Variants in GRIA4 observed in about 807,000 individuals in gnomAD.
GRIA4 encodes glutamate receptor 4.
Under a neutral mutation model 104.0 loss-of-function variants are expected in GRIA4, and 34 were observed. The observed-to-expected ratio is 0.33, with a 90% CI of 0.25 to 0.44. GRIA4 has a LOEUF of 0.44. Ranked by LOEUF, GRIA4 falls within the 20% of genes least tolerant of loss-of-function variation. GRIA4 has a pLI of 1.00. For missense variants in GRIA4, 750 were observed against 1,096.5 expected (o/e 0.68, Z 4.46); for synonymous variants, 386 against 381.9 (o/e 1.01, Z -0.13).
Position 105,709,406 on chromosome 11 carries a change from C to T in GRIA4, c.248-43575C>T, listed in dbSNP as rs116496906. Among the ~76,000 whole-genome samples the T allele has an allele frequency of 5.0e-3, 759 of 152,168 alleles. 16 individuals are homozygous for T. The highest frequency in any genetic ancestry group is 0.017 in the African/African-American group (708 of 41,518). On this transcript the variant is annotated intron_variant, in intron 3 of 16. Coordinates refer to ENST00000282499, the MANE Select transcript of GRIA4 (RefSeq NM_000829.4). ...GTAAATATCACAGTCATAATTGCTG[C>T]AGGAAAGAATCATCAATGGATGCTA...
chr11:105,894,640 G>C (rs1006638088), intron 6 of GRIA4, among the ~76,000 whole-genome samples: 1 of 151,802 alleles, frequency 6.6e-6, no homozygotes, highest in Admixed American at 6.6e-5. Context: ...CACTATAAAA[G>C]AAAAAGGAGG....
intron 3 of GRIA4, among the ~76,000 whole-genome samples, chr11:105,655,057 T>C (rs140954393): frequency 2.0e-5 from 3 of 152,174 alleles, no homozygotes; most frequent in African/African-American, 2.4e-5. Context: ...GAGACCCTTT[T>C]CTTAATTGTG....
intron 6 of GRIA4, among the ~76,000 whole-genome samples, chr11:105,887,925 T>C (rs1413039407): frequency 6.6e-6 from 1 of 152,208 alleles, no homozygotes; most frequent in East Asian, 1.9e-4. Context: ...AACTAATAGC[T>C]TATGTTCTCT....
intron 3 of GRIA4, among the ~76,000 whole-genome samples, chr11:105,741,237 G>C (rs934379457): frequency 5.3e-5 from 8 of 152,134 alleles, no homozygotes; most frequent in African/African-American, 1.9e-4. Context: ...AGAAAATAGA[G>C]AAAAGGTTTT....
At position 105,964,804 on chromosome 11, in the gene GRIA4, TG is replaced by T. The variant is rs146151437; in HGVS notation, c.2295-7109del. Among the ~76,000 whole-genome samples the T allele has an allele frequency of 5.5e-4, 82 of 149,332 alleles. 5 individuals are homozygous for T. The highest frequency in any genetic ancestry group is 9.4e-4 in the African/African-American group (38 of 40,610). On this transcript the variant is annotated intron_variant, in intron 14 of 16. Transcript: ENST00000282499. ...GACATGTTTTTTTTTGTTTTTTTTTTGTTTGTTTGTTTTTGTTTTGAGACGA... is the reference window on the plus strand; with the variant it reads ...GACATGTTTTTTTTTGTTTTTTTTTTTTTGTTTGTTTTTGTTTTGAGACGA...
intron 3 of GRIA4, among the ~76,000 whole-genome samples, chr11:105,732,113 A>G (rs1421843362): frequency 6.6e-6 from 1 of 152,206 alleles, no homozygotes; most frequent in Admixed American, 6.5e-5. Flanking sequence ...AACAGCTACT[A>G]TCTCTAGGCT....
chr11:105,912,384 T>C (rs1947276527), intron 10 of GRIA4: 2 of 963,720 alleles, frequency 2.1e-6, no homozygotes, highest in African/African-American at 1.8e-5. Flanking sequence ...CTCCTTTCCA[T>C]CCTTGTTACT....
chr11:105,655,911 G>A (rs1391058959), intron 3 of GRIA4, among the ~76,000 whole-genome samples: 1 of 152,112 alleles, frequency 6.6e-6, no homozygotes, highest in Non-Finnish European at 1.5e-5. Flanking sequence ...TCCCCACACT[G>A]TCTTCAACAA....
intron 3 of GRIA4, among the ~76,000 whole-genome samples, chr11:105,711,934 G>T (rs975894864): frequency 2.6e-5 from 4 of 152,078 alleles, no homozygotes; most frequent in Non-Finnish European, 4.4e-5. Flanking sequence ...CACTTACTTT[G>T]TGAGAATTAA....
At chr11:105,667,446 T>G (rs959206732) in intron 3 of GRIA4, among the ~76,000 whole-genome samples, 4 of 151,992 alleles carry the variant, frequency 2.6e-5, no homozygotes, top group African/African-American at 9.7e-5. Flanking sequence ...TCGTTTCTTT[T>G]CAGTGTTTTT....
chr11:105,673,954 T>G (rs894455098), intron 3 of GRIA4, among the ~76,000 whole-genome samples: 5 of 151,976 alleles, frequency 3.3e-5, no homozygotes, highest in African/African-American at 1.2e-4. Context: ...CAAATGAATT[T>G]TAATGTGTTC....
chr11:105,913,746 C>T (rs1215599604), intron 10 of GRIA4, among the ~76,000 whole-genome samples: 1 of 151,792 alleles, frequency 6.6e-6, no homozygotes, highest in Non-Finnish European at 1.5e-5. Flanking sequence ...CTTTTTTCCC[C>T]AAAGCTTTAC....
Position 105,909,863 on chromosome 11 carries a change from G to A in GRIA4, c.1159-572G>A, listed in dbSNP as rs73542900. The stretch of plus-strand genomic sequence containing the variant: ...AAATTTAAATGTAATATTTGAAAGC[G>A]AAAACACTGACCACTAATATTCATC... On this transcript the variant is annotated intron_variant, in intron 9 of 16. Coordinates refer to ENST00000282499, the MANE Select transcript of GRIA4 (RefSeq NM_000829.4). Among the ~76,000 whole-genome samples, 543 of 152,152 alleles carry A rather than the reference G, an allele frequency of 3.6e-3. 5 individuals are homozygous for A. The highest frequency in any genetic ancestry group is 0.012 in the African/African-American group (484 of 41,532).
At chr11:105,699,835 C>G (rs1953420662) in intron 3 of GRIA4, among the ~76,000 whole-genome samples, 1 of 152,130 alleles carries the variant, frequency 6.6e-6, no homozygotes, top group South Asian at 2.1e-4. Context: ...ACTACCCACA[C>G]ATCCCTTTCC....
chr11:105,729,888 T>C (rs1938476455), intron 3 of GRIA4, among the ~76,000 whole-genome samples: 1 of 152,094 alleles, frequency 6.6e-6, no homozygotes, highest in Non-Finnish European at 1.5e-5. Context: ...CTGAAAATAA[T>C]AAGAGCTATT....
At chr11:105,893,811 GGAATCATTT>G (rs1306903927) in intron 6 of GRIA4, among the ~76,000 whole-genome samples, 1 of 152,144 alleles carries the variant, frequency 6.6e-6, no homozygotes, top group Non-Finnish European at 1.5e-5. Flanking sequence ...AGAAAACATT[GGAATCATTT>G]GCCTGCCTGT....
chr11:105,822,003 T>C (rs1482591603), intron 4 of GRIA4, among the ~76,000 whole-genome samples: 1 of 152,144 alleles, frequency 6.6e-6, no homozygotes, highest in African/African-American at 2.4e-5. Context: ...ACCGGGAAAA[T>C]CCTTTTGCTG....
At position 105,648,573 on chromosome 11, in the gene GRIA4, A is replaced by G. The variant is rs144863845; in HGVS notation, c.247+36139A>G. On this transcript the variant is annotated intron_variant, in intron 3 of 16. Transcript: ENST00000282499. ...TGCAAAAAGAAAAAAATTTGCAAAG[A>G]TATTAATAAATGCAAAAAGGAAAAA... 4.1e-3 allele frequency among the ~76,000 whole-genome samples: 618 copies of G among 151,932 alleles called. 3 individuals carry two copies. The highest frequency in any genetic ancestry group is 0.014 in the African/African-American group (569 of 41,530).
At chr11:105,862,522 T>C (rs768505566) in intron 5 of GRIA4, 17 of 188,806 alleles carry the variant, frequency 9.0e-5, no homozygotes, top group Non-Finnish European at 1.6e-4. Context: ...TGAAGATTAA[T>C]CCCATCTAAA....
Sources: allele counts gnomAD v4.1 joint callset (sites outside exome capture counted in the v4.1 genomes callset), GRCh38; gene constraint gnomAD v4.1.1; transcripts MANE v1.5; gene names NCBI Gene and HGNC (gene_info 2026-07-23, HGNC 2026-07-21).